Variants in AFG2A observed in about 807,000 individuals in gnomAD.
The protein encoded by AFG2A is ATPase family gene 2 protein homolog A.
the AFG2A span, among the ~76,000 whole-genome samples, chr4:123,069,412 T>C: frequency 6.6e-6 from 1 of 152,174 alleles, no homozygotes; most frequent in Admixed American, 6.5e-5. Flanking sequence ...GATGATCCTG[T>C]ATTATCAAGG....
chr4:123,226,380 C>T, the AFG2A span, among the ~76,000 whole-genome samples: 26 of 152,174 alleles, frequency 1.7e-4, no homozygotes, highest in East Asian at 3.1e-3. Flanking sequence ...TTTTGAGATA[C>T]GTCCCATCAA....
At chr4:123,206,897 G>A in the AFG2A span, among the ~76,000 whole-genome samples, 1 of 152,074 alleles carries the variant, frequency 6.6e-6, no homozygotes, top group Non-Finnish European at 1.5e-5. Flanking sequence ...GTATCAAGAA[G>A]TTTGCTAGAG....
chr4:123,054,378 T>C, the AFG2A span, among the ~76,000 whole-genome samples: 1 of 151,952 alleles, frequency 6.6e-6, no homozygotes, highest in African/African-American at 2.4e-5. Flanking sequence ...ATGAACTACA[T>C]ACTTAAGAGA....
the AFG2A span, among the ~76,000 whole-genome samples, chr4:123,289,522 A>G: frequency 2.0e-5 from 3 of 152,224 alleles, no homozygotes; most frequent in Admixed American, 2.0e-4. Context: ...TCCTTTAAGT[A>G]GATACCCAGT....
At chr4:123,215,744 C>A in the AFG2A span, among the ~76,000 whole-genome samples, 2 of 152,104 alleles carry the variant, frequency 1.3e-5, no homozygotes, top group African/African-American at 4.8e-5. Flanking sequence ...TTCCTCTCAG[C>A]CTCTAGGGAT....
At chr4:123,015,062 C>T in the AFG2A span, among the ~76,000 whole-genome samples, 1 of 152,232 alleles carries the variant, frequency 6.6e-6, no homozygotes, top group Non-Finnish European at 1.5e-5. Flanking sequence ...TTTGAACACT[C>T]AGCCCTTCCC....
the AFG2A span, among the ~76,000 whole-genome samples, chr4:123,113,752 G>A: frequency 2.0e-5 from 3 of 152,184 alleles, no homozygotes; most frequent in Non-Finnish European, 4.4e-5. Context: ...CTTTGCCTGA[G>A]TTCTTGTCCT....
chr4:123,091,081 A>G, the AFG2A span, among the ~76,000 whole-genome samples: 1,759 of 152,290 alleles, frequency 0.012, 20 homozygotes, highest in Non-Finnish European at 0.018. Context: ...TCCAGGTTTT[A>G]TACACTGAGT....
the AFG2A span, among the ~76,000 whole-genome samples, chr4:123,152,680 C>G: frequency 6.6e-6 from 1 of 152,302 alleles, no homozygotes; most frequent in South Asian, 2.1e-4. Flanking sequence ...ATGGTACAGC[C>G]ACTTTGGAAG....
chr4:123,131,073 A>C, the AFG2A span, among the ~76,000 whole-genome samples: 1 of 151,932 alleles, frequency 6.6e-6, no homozygotes, highest in East Asian at 1.9e-4. Context: ...GTTTTGGTGA[A>C]ATGTTTTCTT....
the AFG2A span, among the ~76,000 whole-genome samples, chr4:122,924,539 T>C: frequency 6.6e-6 from 1 of 152,256 alleles, no homozygotes; most frequent in East Asian, 1.9e-4. Context: ...TCTTTGTTGA[T>C]GTTTCATCAT....
At chr4:123,294,434 C>T in the AFG2A span, among the ~76,000 whole-genome samples, 2 of 152,142 alleles carry the variant, frequency 1.3e-5, no homozygotes, top group South Asian at 4.1e-4. Flanking sequence ...AGAATCCCTT[C>T]CAAACCTATC....
chr4:123,082,853 T>G, the AFG2A span, among the ~76,000 whole-genome samples: 1 of 152,138 alleles, frequency 6.6e-6, no homozygotes, highest in Non-Finnish European at 1.5e-5. Context: ...TTCATTGGTG[T>G]TTGTATTTTT....
the AFG2A span, among the ~76,000 whole-genome samples, chr4:122,966,446 A>G: frequency 1.3e-5 from 2 of 152,086 alleles, no homozygotes; most frequent in Non-Finnish European, 2.9e-5. Context: ...TTTATCTTTT[A>G]TTATTCTATA....
chr4:123,300,354 G>A, the AFG2A span, among the ~76,000 whole-genome samples: 3 of 152,012 alleles, frequency 2.0e-5, no homozygotes, highest in Non-Finnish European at 4.4e-5. Context: ...ATTTCCTTCC[G>A]TTACCTCACA....
chr4:123,003,866 G>A, the AFG2A span, among the ~76,000 whole-genome samples: 1 of 152,192 alleles, frequency 6.6e-6, no homozygotes, highest in Non-Finnish European at 1.5e-5. Context: ...TAAGTCTGCA[G>A]AGGTTACTGC....
the AFG2A span, among the ~76,000 whole-genome samples, chr4:123,007,566 ATATGTGTGTGTGTGTGTGTGTGTGTG>A: frequency 8.2e-4 from 33 of 40,192 alleles, no homozygotes; most frequent in Middle Eastern, 0.013. Context: ...GTGTGTGTGT[ATATGTGTGTGTGTGTGTGTGTGTGTG>A]TGTGTGTGTG....
chr4:122,992,173 C>T, the AFG2A span, among the ~76,000 whole-genome samples: 42 of 152,340 alleles, frequency 2.8e-4, no homozygotes, highest in South Asian at 6.4e-3. Context: ...CTGATTTATT[C>T]ATCATAGGAA....
the AFG2A span, among the ~76,000 whole-genome samples, chr4:123,030,213 C>G: frequency 1.3e-5 from 2 of 152,106 alleles, no homozygotes; most frequent in African/African-American, 2.4e-5. Context: ...GATAAGTTTT[C>G]GACTTAACTC....
Sources: gnomAD v4.1 joint callset for allele counts (sites outside exome capture counted in the v4.1 genomes callset) on GRCh38, gnomAD v4.1.1 for gene constraint, MANE v1.5 for transcripts, NCBI Gene and HGNC (gene_info 2026-07-23, HGNC 2026-07-21) for gene names.